Variants in TTN observed in about 807,000 individuals in gnomAD.
TTN encodes the protein connectin.
TTN carries 1,525 observed loss-of-function variants against 3,223.0 expected under a neutral mutation model. The ratio of observed to expected loss-of-function variants is 0.47; its 90% confidence interval spans 0.45 to 0.49. TTN has a LOEUF of 0.49. Among genes scored for constraint, TTN ranks in the 20% least tolerant of loss-of-function variants. The pLI is 0.00. For missense variants in TTN, 40,786 were observed against 43,424.0 expected, an observed-to-expected ratio of 0.94 and a Z score of 5.40; for synonymous variants, 14,094 against 15,161.0, an observed-to-expected ratio of 0.93 and a Z score of 5.17.
intron 239 of TTN, among the ~76,000 whole-genome samples, chr2:178,629,973 T>C (rs1398215338): frequency 6.6e-6 from 1 of 152,044 alleles, no homozygotes; most frequent in Non-Finnish European, 1.5e-5. Context: ...ATTGTATGTG[T>C]ATCTACTTTC....
Position 178,577,711 on chromosome 2 carries a change from G to C in TTN, c.68715C>G (p.Asp22905Glu). The change falls in exon 323 of 363, where the codon GAC becomes GAG. Residue 22905 changes from aspartate to glutamate, a missense_variant. Physicochemically the swap from Asp to Glu is conservative, Grantham distance 45 (BLOSUM62 2). Transcript: ENST00000589042. ...ATTCATATTTTCCACCCTCAACAAG[G>C]TCAGTTACAGTAAAGGCACATTCTG... is the stretch of plus-strand genomic sequence containing the variant. Reference protein sequence around the residue: ...NVPECAFTVTDLVEGGKYEFR... With the variant: ...NVPECAFTVTELVEGGKYEFR... 1.9e-6 allele frequency: 3 copies of C among 1,613,282 alleles called. No individual in the cohort carries two copies. Among genetic ancestry groups the C allele is most frequent in the African/African-American group, 1.3e-5 (1 of 74,990 alleles).
rs1357763703 is a variant in TTN at position 178,533,473 on chromosome 2, C to G, written c.103142G>C (p.Cys34381Ser). Reference protein sequence around the residue: ...NAECQEGQSVCFEIRVSGIPP... With the variant: ...NAECQEGQSVSFEIRVSGIPP... ...GATGCCAGACACTCTGATCTCAAAGCAGACACTTTGGCCTTCTTGGCATTC... is the reference window on the plus strand; with the variant it reads ...GATGCCAGACACTCTGATCTCAAAGGAGACACTTTGGCCTTCTTGGCATTC... Residue 34381 changes from cysteine (C) to serine (S), a missense_variant, in exon 358 of 363, where the codon TGC becomes TCC. Coordinates refer to ENST00000589042, the MANE Select transcript of TTN (RefSeq NM_001267550.2). 1.9e-6 allele frequency: 3 copies of G among 1,613,522 alleles called. No homozygotes were observed. In the South Asian group the frequency reaches 3.3e-5, roughly 18 times the overall value.
Position 178,784,103 on chromosome 2 carries a change from C to A in TTN, c.2742G>T (p.Glu914Asp), listed in dbSNP as rs145735907. 9 of 1,613,804 alleles carry A rather than the reference C, an allele frequency of 5.6e-6. No individual in the cohort carries two copies. In the African/African-American group the frequency reaches 9.3e-5, roughly 17 times the overall value. ...CGCGTCCGTGCAGTACTTCAAAGCGCTCTTCACGGACGGTGGTGCCAGTGA... is the reference window on the plus strand; with the variant it reads ...CGCGTCCGTGCAGTACTTCAAAGCGATCTTCACGGACGGTGGTGCCAGTGA... ...VSITGTTVRE[E>D]RFEVLHGREA... The change falls in exon 16 of 363, where the codon GAG becomes GAT. Residue 914 changes from glutamate (E) to aspartate (D), a missense_variant. Glu to Asp is a conservative substitution (Grantham distance 45, BLOSUM62 2). Transcript: ENST00000589042.
intron 330 of TTN, chr2:178,556,512 C>A: frequency 3.3e-6 from 1 of 298,520 alleles, no homozygotes; most frequent in Non-Finnish European, 6.2e-6. Context: ...TATTTAAGAG[C>A]AATATTCTCT....
At position 178,667,003 on chromosome 2, in the gene TTN, TA is replaced by T. The variant is rs908961450; in HGVS notation, c.35798-103del. The T allele has an allele frequency of 6.2e-6, 6 of 974,928 alleles. No homozygotes were observed. The African/African-American group carries it at 1.0e-4, about 16-fold the overall frequency. 60.4% of individuals were successfully genotyped at this position (974,928 alleles called of 1,614,324 possible). A position where few individuals can be genotyped will look rare whatever the true frequency, so the allele number is the denominator to read the frequency against. ...ATGTTAATATCATTTCAGATATCTTTATGTTAGAAATGTTATTTTTGTTCTA... is the reference window on the plus strand; with the variant it reads ...ATGTTAATATCATTTCAGATATCTTTTGTTAGAAATGTTATTTTTGTTCTA... On this transcript the variant is annotated intron_variant, in intron 162 of 362. Coordinates refer to ENST00000589042, the MANE Select transcript of TTN (RefSeq NM_001267550.2).
chr2:178,550,710 C>T (rs1009428836), intron 336 of TTN: 16 of 489,646 alleles, frequency 3.3e-5, no homozygotes, highest in Middle Eastern at 5.4e-4. Context: ...TGTTAAGTGG[C>T]GAAAATTACA....
At chr2:178,750,470 C>T (rs1384654315) in intron 47 of TTN, 3 of 1,612,480 alleles carry the variant, frequency 1.9e-6, no homozygotes, top group African/African-American at 1.3e-5. Context: ...ATTGTTATAC[C>T]ACGTCACTAT....
At chr2:178,555,225 A>C in intron 330 of TTN, 73 bp from the exon 331 acceptor site, 3 of 1,376,666 alleles carry the variant, frequency 2.2e-6, no homozygotes, top group Non-Finnish European at 3.0e-6. Flanking sequence ...ACCAACCTTA[A>C]AGTAAGGTCA....
Position 178,728,517 on chromosome 2 carries a change from G to A in TTN, c.19409C>T (p.Ala6470Val), listed in dbSNP as rs780014505. Residue 6470 changes from alanine (A) to valine (V), a missense_variant, in exon 66 of 363, where the codon GCC (alanine) becomes GTC (valine). Transcript: ENST00000589042. ...ENDFGSSSCD[A>V]YLRVLDQNIP... is the part of the protein sequence containing the mutation. ...ATACAAACCTAGCACTCTTAAGTAG[G>A]CATCACAGCTACTGCTTCCGAAGTC... The A allele has an allele frequency of 6.2e-6, 10 of 1,610,398 alleles. No individual in the cohort carries two copies. Among genetic ancestry groups the A allele is most frequent in the Non-Finnish European group, 7.6e-6 (9 of 1,177,644 alleles).
In TTN at chr2:178,552,170, G is replaced by A; in HGVS notation, c.90730C>T (p.Leu30244=). The A allele has an allele frequency of 6.2e-7, 1 of 1,613,792 alleles. No individual in the cohort carries two copies. Among genetic ancestry groups the A allele is most frequent in the Non-Finnish European group, 8.5e-7 (1 of 1,179,794 alleles). The part of the protein sequence containing the change: ...FDEIKADSVI[L]SWDVPEDNGG... Reference sequence around the variant, plus strand: ...TTATCTTCAGGTACATCCCATGACAGGATGACACTATCAGCCTTGATTTCA... The same window carrying A: ...TTATCTTCAGGTACATCCCATGACAAGATGACACTATCAGCCTTGATTTCA... The change falls in exon 335 of 363, where the codon CTG becomes TTG. Residue 30244 remains leucine (L), a synonymous_variant. Coordinates refer to ENST00000589042, the MANE Select transcript of TTN (RefSeq NM_001267550.2).
intron 168 of TTN, 93 bp from the exon 169 acceptor site, chr2:178,664,191 C>G: frequency 7.8e-7 from 1 of 1,281,606 alleles, no homozygotes; most frequent in Non-Finnish European, 1.1e-6. Context: ...CTATTTTTTT[C>G]TCCTGAGCTG....
intron 4 of TTN, 140 bp downstream of exon 4, chr2:178,800,255 G>A (rs1269416237): frequency 4.6e-6 from 5 of 1,094,722 alleles, no homozygotes; most frequent in Non-Finnish European, 6.6e-6. Flanking sequence ...GACTTTTCAT[G>A]GGTGTCGAAA....
chr2:178,633,335 A>C lies in TTN; in HGVS notation c.42947-9T>G. ...CACTTTTATTAGTCGAGCTGAAATG[A>C]TACAGTTTTGTTAGCATGACTGAAC... On this transcript the variant is annotated splice_polypyrimidine_tract_variant and intron_variant, in intron 232 of 362. Coordinates refer to ENST00000589042, the MANE Select transcript of TTN (RefSeq NM_001267550.2). 1 of 1,612,974 alleles carries C rather than the reference A, an allele frequency of 6.2e-7. No homozygotes were observed. The highest frequency in any genetic ancestry group is 8.5e-7 in the Non-Finnish European group (1 of 1,179,452).
chr2:178,536,547 A>C lies in TTN; in HGVS notation c.100200T>G (p.Thr33400=). The part of the protein sequence containing the change: ...FEKPGAPGKP[T]ITAVTKDSCV... The stretch of plus-strand genomic sequence containing the variant: ...AAGAATCTTTTGTGACAGCAGTAAT[A>C]GTTGGTTTGCCAGGAGCACCTGGCT... Residue 33400 remains threonine (T), a synonymous_variant, in exon 357 of 363, where the codon ACT becomes ACG. Coordinates refer to ENST00000589042, the MANE Select transcript of TTN (RefSeq NM_001267550.2). The C allele has an allele frequency of 3.3e-6, 5 of 1,509,218 alleles. No individual in the cohort carries two copies. Among genetic ancestry groups the C allele is most frequent in the Non-Finnish European group, 4.4e-6 (5 of 1,133,774 alleles). 93.5% of individuals were successfully genotyped at this position (1,509,218 alleles called of 1,614,324 possible).
intron 313 of TTN, 67 bp from the exon 314 acceptor site, chr2:178,582,659 A>T: frequency 7.0e-7 from 1 of 1,423,442 alleles, no homozygotes; most frequent in Non-Finnish European, 9.4e-7. Flanking sequence ...AGGTCTGGAG[A>T]CCTGGGCTGC....
In TTN at chr2:178,793,434, C is replaced by A. The variant is rs757142612; in HGVS notation, c.1506G>T (p.Lys502Asn). Residue 502 changes from lysine to asparagine, a missense_variant, in exon 9 of 363, where the codon AAG (lysine) becomes AAT (asparagine). Coordinates refer to ENST00000589042, the MANE Select transcript of TTN (RefSeq NM_001267550.2). ...KSRTKEVITT[K>N]QEQMHVTHEQ... ...CATGAGTTACGTGCATCTGCTCTTG[C>A]TTTGTGGTAATTACTTCTTTGGTTC... 6.2e-7 allele frequency: 1 copy of A among 1,614,106 alleles called. No individual in the cohort carries two copies. The highest frequency in any genetic ancestry group is 1.7e-5 in the Admixed American group (1 of 60,016).
rs1445925686 is a variant in TTN at position 178,766,422 on chromosome 2, A to G, written c.9662T>C (p.Val3221Ala). The G allele has an allele frequency of 6.2e-7, 1 of 1,614,152 alleles. No homozygotes were observed. Among genetic ancestry groups the G allele is most frequent in the East Asian group, 2.2e-5 (1 of 44,876 alleles). The change falls in exon 41 of 363, where the codon GTG becomes GCG. Residue 3221 changes from valine to alanine, a missense_variant. Physicochemically the swap from Val to Ala is moderately conservative, Grantham distance 64 (BLOSUM62 0). Coordinates refer to ENST00000589042, the MANE Select transcript of TTN (RefSeq NM_001267550.2). ...GACAGAACTCCTGTTCCTTCCTGCC[A>G]CAAAGGTGTATTCTCCTGCATCGCT... ...RQSDAGEYTF[V>A]AGRNRSSVTL...
chr2:178,564,824 T>C lies in TTN; in HGVS notation c.81308A>G (p.Lys27103Arg), dbSNP rs751284217. 2 of 1,613,010 alleles carry C rather than the reference T, an allele frequency of 1.2e-6. No homozygotes were observed. Among genetic ancestry groups the C allele is most frequent in the Non-Finnish European group, 1.7e-6 (2 of 1,179,538 alleles). Residue 27103 changes from lysine to arginine, a missense_variant, in exon 326 of 363, where the codon AAA (lysine) becomes AGA (arginine). By Grantham distance (26) the Lys-to-Arg change is conservative. Transcript: ENST00000589042. ...WHEPVNDGGT[K>R]IIGYHLEQKE... is the part of the protein sequence containing the mutation. Reference sequence around the variant, plus strand: ...CTGTTCAAGATGGTAGCCAATAATTTTGGTGCCTCCATCATTCACTGGCTC... The same window carrying C: ...CTGTTCAAGATGGTAGCCAATAATTCTGGTGCCTCCATCATTCACTGGCTC...
In TTN at chr2:178,547,561, A is replaced by T; in HGVS notation, c.94065T>A (p.Ala31355=). 1 of 1,613,840 alleles carries T rather than the reference A, an allele frequency of 6.2e-7. No homozygotes were observed. The highest frequency in any genetic ancestry group is 8.5e-7 in the Non-Finnish European group (1 of 1,179,810). The change falls in exon 339 of 363, where the codon GCT becomes GCA. Residue 31355 remains alanine, a synonymous_variant. Coordinates refer to ENST00000589042, the MANE Select transcript of TTN (RefSeq NM_001267550.2). The stretch of plus-strand genomic sequence containing the variant: ...TGACACTGGAATTGACAAGCTGCCA[A>T]GCTGTTGTACCCGATTCACGCTTTT... ...IVEKRESGTT[A]WQLVNSSVKR...
Sources: allele counts gnomAD v4.1 joint callset (sites outside exome capture counted in the v4.1 genomes callset), GRCh38; gene constraint gnomAD v4.1.1; transcripts MANE v1.5; gene names NCBI Gene and HGNC (gene_info 2026-07-23, HGNC 2026-07-21).